The following NDUFA8 variants were observed in gnomAD, a reference collection of about 807,000 sequenced individuals.
The protein encoded by NDUFA8 is NADH:ubiquinone oxidoreductase subunit A8.
NDUFA8 carries 16 observed loss-of-function variants against 20.9 expected under a neutral mutation model. The ratio of observed to expected loss-of-function variants is 0.77; its 90% CI spans 0.52 to 1.16. NDUFA8 has a LOEUF of 1.16. Among genes scored for constraint, NDUFA8 ranks in the 50% most tolerant of loss-of-function variants. NDUFA8 has a pLI of 0.00. For missense variants in NDUFA8, 202 were observed against 216.4 expected, an observed-to-expected ratio of 0.93 and a Z score of 0.42; for synonymous variants, 70 against 76.1, an observed-to-expected ratio of 0.92 and a Z score of 0.41.
In NDUFA8 at chr9:122,159,739, C is replaced by A. The variant is rs994418808; in HGVS notation, c.-62G>T. On this transcript the variant is annotated 5_prime_UTR_variant, in exon 1 of 4. Coordinates refer to ENST00000373768, the MANE Select transcript of NDUFA8 (RefSeq NM_014222.3). ...GCCGCGTCGCCCCCGTCTCCTTGAA[C>A]TCCCCTTTCGACCGCCGAGTGCCAC... is the stretch of plus-strand genomic sequence containing the variant. 6.2e-7 allele frequency: 1 copy of A among 1,611,804 alleles called. No individual in the cohort carries two copies. The highest frequency in any genetic ancestry group is 1.1e-5 in the South Asian group (1 of 91,046).
rs1278507518 is a variant in NDUFA8 at position 122,158,741 on chromosome 9, G to GTA, written c.51+884_51+885dup. Among the ~76,000 whole-genome samples, 632 of 146,046 alleles carry GTA rather than the reference G, an allele frequency of 4.3e-3. 10 individuals are homozygous for GTA. Among genetic ancestry groups the GTA allele is most frequent in the African/African-American group, 0.015 (580 of 39,082 alleles). ...ACATATATATATATACACCAATTGT[G>GTA]TATATATATATATGGTATATATATA... On this transcript the variant is annotated intron_variant, in intron 1 of 3. Transcript: ENST00000373768.
intron 3 of NDUFA8, among the ~76,000 whole-genome samples, chr9:122,146,863 T>C (rs1469981066): frequency 6.6e-6 from 1 of 152,200 alleles, no homozygotes; most frequent in African/African-American, 2.4e-5. Context: ...ACCACTGCAT[T>C]CCAGCCTAGG....
intron 3 of NDUFA8, among the ~76,000 whole-genome samples, chr9:122,145,529 A>T (rs1487295627): frequency 6.6e-6 from 1 of 151,872 alleles, no homozygotes; most frequent in African/African-American, 2.4e-5. Context: ...ATGTAAAATG[A>T]CCAGATTCAT....
chr9:122,156,815 G>A (rs1053106295), intron 1 of NDUFA8, among the ~76,000 whole-genome samples: 1 of 152,238 alleles, frequency 6.6e-6, no homozygotes, highest in South Asian at 2.1e-4. Context: ...TTTGCTCTCT[G>A]TAAGCACAGT....
chr9:122,146,480 T>C (rs1828906446), intron 3 of NDUFA8, among the ~76,000 whole-genome samples: 1 of 152,222 alleles, frequency 6.6e-6, no homozygotes, highest in South Asian at 2.1e-4. Context: ...CTATTTAAAA[T>C]AATATGTTCA....
At chr9:122,149,801 T>C (rs1031027107) in intron 2 of NDUFA8, among the ~76,000 whole-genome samples, 1 of 151,812 alleles carries the variant, frequency 6.6e-6, no homozygotes, top group Non-Finnish European at 1.5e-5. Flanking sequence ...CTACTAAACA[T>C]ACAAAAATTA....
chr9:122,156,668 G>T (rs1200649554), intron 1 of NDUFA8, among the ~76,000 whole-genome samples: 1 of 152,076 alleles, frequency 6.6e-6, no homozygotes, highest in Non-Finnish European at 1.5e-5. Context: ...TATTTAACTC[G>T]CTCTCCAAAC....
the NDUFA8 span, among the ~76,000 whole-genome samples, chr9:122,133,809 T>C: frequency 2.0e-5 from 3 of 152,106 alleles, no homozygotes; most frequent in African/African-American, 7.2e-5. Context: ...TTGTTGGGAG[T>C]GATGTCGCCC....
At chr9:122,141,160 G>A (rs904200617), downstream of NDUFA8, among the ~76,000 whole-genome samples, 1 of 152,312 alleles carries the variant, frequency 6.6e-6, no homozygotes. Flanking sequence ...GTAGAGTATA[G>A]GCTACATAAG....
chr9:122,139,335 T>TTA (rs1201830140), downstream of NDUFA8, among the ~76,000 whole-genome samples: 3 of 123,334 alleles, frequency 2.4e-5, no homozygotes, highest in Admixed American at 1.6e-4. Context: ...TGGCCTGTCT[T>TTA]CTTAAACGTT....
chr9:122,159,557 G>A (rs961619650), intron 1 of NDUFA8, 70 bp downstream of exon 1: 21 of 1,587,690 alleles, frequency 1.3e-5, no homozygotes, highest in African/African-American at 6.7e-5. Context: ...CGGAGCCCAA[G>A]GGGGGCTAGG....
At chr9:122,135,455 C>A in the NDUFA8 span, among the ~76,000 whole-genome samples, 3 of 152,294 alleles carry the variant, frequency 2.0e-5, no homozygotes, top group South Asian at 6.2e-4. Context: ...ATGGCCTGGG[C>A]GAGACACTTC....
chr9:122,154,802 T>G (rs1447125031), intron 1 of NDUFA8, among the ~76,000 whole-genome samples: 1 of 152,214 alleles, frequency 6.6e-6, no homozygotes, highest in Non-Finnish European at 1.5e-5. Flanking sequence ...TGGAATATAG[T>G]TGTTTGGATA....
At chr9:122,133,777 C>T in the NDUFA8 span, among the ~76,000 whole-genome samples, 1 of 152,246 alleles carries the variant, frequency 6.6e-6, no homozygotes, top group Non-Finnish European at 1.5e-5. Flanking sequence ...GGAGCTGCGA[C>T]ATTCAAGCAG....
chr9:122,150,237 C>T (rs928166458), intron 2 of NDUFA8, among the ~76,000 whole-genome samples: 3 of 151,380 alleles, frequency 2.0e-5, no homozygotes, highest in Non-Finnish European at 4.4e-5. Context: ...GGTGAAACCC[C>T]GTCTCTACTA....
intron 1 of NDUFA8, among the ~76,000 whole-genome samples, chr9:122,154,186 T>C (rs1252048725): frequency 6.6e-6 from 1 of 152,228 alleles, no homozygotes; most frequent in East Asian, 1.9e-4. Context: ...AATTAAGCTA[T>C]GGTAATTAAA....
At chr9:122,136,931 C>G in the NDUFA8 span, among the ~76,000 whole-genome samples, 2 of 152,180 alleles carry the variant, frequency 1.3e-5, no homozygotes. Flanking sequence ...TGATCCCACT[C>G]CTGCCCTTTA....
chr9:122,145,499 C>A (rs559596930), intron 3 of NDUFA8, among the ~76,000 whole-genome samples: 1 of 152,208 alleles, frequency 6.6e-6, no homozygotes, highest in Non-Finnish European at 1.5e-5. Context: ...TTCTACTGGG[C>A]TGAACTCTTA....
the NDUFA8 span, among the ~76,000 whole-genome samples, chr9:122,134,696 T>C: frequency 1.3e-5 from 2 of 152,182 alleles, no homozygotes; most frequent in Non-Finnish European, 2.9e-5. Context: ...GTCAGAAGTC[T>C]AGGCTCAATC....
Sources: allele counts gnomAD v4.1 joint callset (sites outside exome capture counted in the v4.1 genomes callset), GRCh38; gene constraint gnomAD v4.1.1; transcripts MANE v1.5; gene names NCBI Gene and HGNC (gene_info 2026-07-23, HGNC 2026-07-21).